Variants in BRSK2 observed in about 807,000 individuals in gnomAD.
BRSK2 encodes the protein serine/threonine-protein kinase BRSK2.
Under a neutral mutation model 83.3 loss-of-function variants are expected in BRSK2, and 19 were observed. That is an observed-to-expected ratio of 0.23 (90% CI 0.16 to 0.33). BRSK2 has a LOEUF of 0.33. Ranked by LOEUF, BRSK2 falls within the 10% of genes least tolerant of loss-of-function variation. The pLI is 1.00. For missense variants in BRSK2, 798 were observed against 1,042.3 expected (o/e 0.77, Z 3.23); for synonymous variants, 519 against 435.4 (o/e 1.19, Z -2.39).
intron 1 of BRSK2, among the ~76,000 whole-genome samples, chr11:1,404,551 C>T (rs983488207): frequency 6.6e-6 from 1 of 152,184 alleles, no homozygotes; most frequent in Non-Finnish European, 1.5e-5. Flanking sequence ...CTGCACGGCC[C>T]CTCCCTGGAT....
chr11:1,435,253 G>C lies in BRSK2; in HGVS notation c.92-787G>C, dbSNP rs1205102537. On this transcript the variant is annotated intron_variant, in intron 1 of 19. Coordinates refer to ENST00000528841, the MANE Select transcript of BRSK2 (RefSeq NM_001256627.2). ...TCTCAGCGGAGGAGGGGTGCCGGTGGGGGTCTCGGCGGAGGAGGGGTGCCG... is the reference window on the plus strand; with the variant it reads ...TCTCAGCGGAGGAGGGGTGCCGGTGCGGGTCTCGGCGGAGGAGGGGTGCCG... Among the ~76,000 whole-genome samples the C allele has an allele frequency of 8.2e-3, 832 of 101,390 alleles. 9 individuals carry two copies. The highest frequency in any genetic ancestry group is 0.027 in the Middle Eastern group (6 of 222). The allele number at this position is 101,390 out of a possible 152,430, so 66.5% of individuals were successfully genotyped here. A position where few individuals can be genotyped will look rare whatever the true frequency, so the allele number is the denominator to read the frequency against.
intron 18 of BRSK2, 157 bp downstream of exon 18, chr11:1,456,844 CAG>C (rs1423466799): frequency 1.5e-6 from 2 of 1,364,518 alleles, no homozygotes; most frequent in Non-Finnish European, 2.0e-6. Flanking sequence ...CTGCACCCCT[CAG>C]GGAGCAGAGC....
intron 5 of BRSK2, 60 bp from the exon 6 acceptor site, chr11:1,443,046 C>T: frequency 1.3e-6 from 2 of 1,513,080 alleles, no homozygotes; most frequent in Non-Finnish European, 1.8e-6. Flanking sequence ...CACCATCACC[C>T]TGGGGGGAGG....
chr11:1,455,640 C>T (rs1846417694), intron 16 of BRSK2, among the ~76,000 whole-genome samples: 1 of 152,032 alleles, frequency 6.6e-6, no homozygotes, highest in South Asian at 2.1e-4. Flanking sequence ...CTCAGGGGTC[C>T]TCAGCGTCCC....
At chr11:1,450,538 C>G in intron 13 of BRSK2, 49 bp from the exon 14 acceptor site, 1 of 1,005,684 alleles carries the variant, frequency 9.9e-7, no homozygotes, top group Non-Finnish European at 1.5e-6. Flanking sequence ...CCCCCCGGCC[C>G]CCACCCGCCG....
chr11:1,392,714 T>A (rs1845802903), intron 1 of BRSK2, among the ~76,000 whole-genome samples: 1 of 152,216 alleles, frequency 6.6e-6, no homozygotes, highest in South Asian at 2.1e-4. Context: ...AGGACGCCCT[T>A]CTAGACGCCG....
chr11:1,392,623 A>G (rs1845796523), intron 1 of BRSK2, among the ~76,000 whole-genome samples: 1 of 152,088 alleles, frequency 6.6e-6, no homozygotes, highest in Non-Finnish European at 1.5e-5. Flanking sequence ...CGGTGGGCCA[A>G]AGATGTGGTC....
chr11:1,442,789 C>G (rs918571601), intron 5 of BRSK2, among the ~76,000 whole-genome samples, 183 bp downstream of exon 5: 1 of 152,090 alleles, frequency 6.6e-6, no homozygotes, highest in South Asian at 2.1e-4. Context: ...ACAGGCCTCC[C>G]GGCACAGTAA....
chr11:1,448,248 G>C (rs1048122125), intron 12 of BRSK2, among the ~76,000 whole-genome samples: 1 of 152,212 alleles, frequency 6.6e-6, no homozygotes, highest in Non-Finnish European at 1.5e-5. Flanking sequence ...CCACCTGCAG[G>C]AGCTGAGGAG....
intron 1 of BRSK2, chr11:1,409,272 C>G (rs1564802351): frequency 6.6e-6 from 1 of 152,252 alleles, no homozygotes. Flanking sequence ...CATCCTCATG[C>G]TCCCGTGCCC....
intron 2 of BRSK2, among the ~76,000 whole-genome samples, chr11:1,437,875 A>G (rs1242719899): frequency 6.6e-6 from 1 of 152,074 alleles, no homozygotes. Flanking sequence ...CTTCCTGGGC[A>G]GTGTGGGGAG....
At chr11:1,404,342 C>T (rs1169632591) in intron 1 of BRSK2, among the ~76,000 whole-genome samples, 2 of 152,190 alleles carry the variant, frequency 1.3e-5, no homozygotes, top group Non-Finnish European at 2.9e-5. Flanking sequence ...CTATCACGTC[C>T]CCTCTTCAGG....
chr11:1,461,471 T>A lies in BRSK2; in HGVS notation c.*748T>A. The A allele has an allele frequency of 4.7e-6, 1 of 210,598 alleles. No homozygotes were observed. Among genetic ancestry groups the A allele is most frequent in the Non-Finnish European group, 9.4e-6 (1 of 106,298 alleles). The allele number at this position is 210,598 out of a possible 1,614,324, so 13.0% of individuals were successfully genotyped here. On this transcript the variant is annotated 3_prime_UTR_variant, in exon 20 of 20. Transcript: ENST00000528841. ...CTCTGGCGCTCCTCTCTGGCTGAGG[T>A]GGAAACAGAGACACCCTGCGGCACC...
rs572453552 is a variant in BRSK2, at chr11:1,451,926, C to A, written c.1544+507C>A. Among the ~76,000 whole-genome samples, 4 of 152,060 alleles carry A rather than the reference C, an allele frequency of 2.6e-5. No individual in the cohort carries two copies. In the South Asian group the frequency reaches 8.3e-4, roughly 32 times the overall value. ...CCAGGTGCTGAGATGCCCTGGGGGC[C>A]GCTGTGACTGGTGTCTGGACAAAGA... On this transcript the variant is annotated intron_variant, in intron 15 of 19. Coordinates refer to ENST00000528841, the MANE Select transcript of BRSK2 (RefSeq NM_001256627.2).
chr11:1,424,848 C>T (rs1849022442), intron 1 of BRSK2, among the ~76,000 whole-genome samples: 1 of 152,118 alleles, frequency 6.6e-6, no homozygotes, highest in Non-Finnish European at 1.5e-5. Flanking sequence ...GGGGGTGGAG[C>T]AGGACCCCCT....
chr11:1,414,780 C>T (rs1191793628), intron 1 of BRSK2, among the ~76,000 whole-genome samples: 2 of 152,196 alleles, frequency 1.3e-5, no homozygotes, highest in East Asian at 1.9e-4. Flanking sequence ...GCCTGCCTTC[C>T]GTTTCTGGAC....
At position 1,459,437 on chromosome 11, in the gene BRSK2, C is replaced by T. The variant is rs535344004; in HGVS notation, c.1987+198C>T. ...GCTCCCCTACCACAGCAAGCCCAGGCGGGGTTCCTGGCCAGACTCACCTCT... is the reference window on the plus strand; with the variant it reads ...GCTCCCCTACCACAGCAAGCCCAGGTGGGGTTCCTGGCCAGACTCACCTCT... On this transcript the variant is annotated intron_variant, in intron 19 of 19. Coordinates refer to ENST00000528841, the MANE Select transcript of BRSK2 (RefSeq NM_001256627.2). The T allele has an allele frequency of 2.1e-3, 1,330 of 625,886 alleles. 8 individuals carry two copies. Among genetic ancestry groups the T allele is most frequent in the Non-Finnish European group, 3.2e-3 (1,121 of 348,986 alleles). 38.8% of individuals were successfully genotyped at this position (625,886 alleles called of 1,614,324 possible).
At chr11:1,457,015 C>T (rs758974184) in intron 18 of BRSK2, 2 of 1,595,420 alleles carry the variant, frequency 1.3e-6, no homozygotes, top group Non-Finnish European at 1.7e-6. Flanking sequence ...CAGAAGGTGG[C>T]CACCAGCTAC....
At chr11:1,413,521 C>T (rs1361180650) in intron 1 of BRSK2, among the ~76,000 whole-genome samples, 1 of 152,224 alleles carries the variant, frequency 6.6e-6, no homozygotes, top group African/African-American at 2.4e-5. Flanking sequence ...ACCTTCTGCC[C>T]TGGGAGCCCT....
Sources: allele counts gnomAD v4.1 joint callset (sites outside exome capture counted in the v4.1 genomes callset), GRCh38; gene constraint gnomAD v4.1.1; transcripts MANE v1.5; gene names NCBI Gene and HGNC (gene_info 2026-07-23, HGNC 2026-07-21).